ASTN2: variants seen among roughly 807,000 people sequenced by gnomAD.
ASTN2 encodes the protein astrotactin 2, also known as astrotactin-2.
Under a neutral mutation model 139.8 loss-of-function variants are expected in ASTN2, and 54 were observed. That is an observed-to-expected ratio of 0.39 (90% CI 0.31 to 0.48). ASTN2 has a LOEUF of 0.48. Among genes scored for constraint, ASTN2 ranks in the 20% least tolerant of loss-of-function variants. The pLI, the probability that ASTN2 is intolerant of heterozygous loss-of-function variation, is 0.95. For missense variants in ASTN2, 1,565 were observed against 1,725.1 expected (o/e 0.91, Z 1.64); for synonymous variants, 756 against 719.5 (o/e 1.05, Z -0.81).
At chr9:116,747,925 AT>A in intron 13 of ASTN2, among the ~76,000 whole-genome samples, 1 of 152,264 alleles carries the variant, frequency 6.6e-6, no homozygotes, top group African/African-American at 2.4e-5. Context: ...CTAGAGGAAC[AT>A]TATCTTCTCC....
At chr9:117,116,657 C>T (rs969273172) in intron 4 of ASTN2, among the ~76,000 whole-genome samples, 1 of 150,228 alleles carries the variant, frequency 6.7e-6, no homozygotes, top group Admixed American at 6.6e-5. Flanking sequence ...GGAAGCTTTG[C>T]TCCAAAGTCC....
rs751351024 is a variant in ASTN2, at chr9:117,039,837, C to T, written c.1405G>A (p.Glu469Lys). 2 of 1,613,438 alleles carry T rather than the reference C, an allele frequency of 1.2e-6. No individual in the cohort carries two copies. Among genetic ancestry groups the T allele is most frequent in the Non-Finnish European group, 1.7e-6 (2 of 1,179,748 alleles). The change falls in exon 6 of 23, where the codon GAG becomes AAG. Residue 469 changes from glutamate (E) to lysine (K), a missense_variant. Transcript: ENST00000313400. ...LTVKVTLHVP[E>K]HFIADGSSFV... ...CTCTTACCATCTGCTATGAAGTGCT[C>T]GGGCACATGCAGAGTCACCTTCACA...
chr9:117,400,670 C>T (rs1272440927), intron 1 of ASTN2, among the ~76,000 whole-genome samples: 1 of 152,096 alleles, frequency 6.6e-6, no homozygotes, highest in South Asian at 2.1e-4. Context: ...TCTTCAGAGG[C>T]CCCAGAAAGG....
intron 2 of ASTN2, chr9:117,277,093 A>C: frequency 6.6e-6 from 1 of 152,150 alleles, no homozygotes; most frequent in Admixed American, 6.5e-5. Flanking sequence ...TCACTGCTCT[A>C]TGTGTGTCCC....
intron 3 of ASTN2, among the ~76,000 whole-genome samples, chr9:117,151,939 C>A (rs1830334604): frequency 6.6e-6 from 1 of 152,146 alleles, no homozygotes; most frequent in African/African-American, 2.4e-5. Flanking sequence ...ACTGTTATCC[C>A]AGATACCCTG....
chr9:116,597,966 G>A (rs537525633), intron 19 of ASTN2, among the ~76,000 whole-genome samples: 8 of 152,274 alleles, frequency 5.3e-5, no homozygotes, highest in East Asian at 1.9e-4. Context: ...AGATTAAAGG[G>A]CAATTATAAC....
At chr9:116,817,658 T>C (rs746167328) in intron 12 of ASTN2, among the ~76,000 whole-genome samples, 1 of 152,222 alleles carries the variant, frequency 6.6e-6, no homozygotes, top group Non-Finnish European at 1.5e-5. Flanking sequence ...AAACCTACTA[T>C]GTGCCAGTCA....
Position 117,030,814 on chromosome 9 carries a change from G to A in ASTN2, c.1423+9005C>T, listed in dbSNP as rs1012957932. Among the ~76,000 whole-genome samples, 9 of 151,338 alleles carry A rather than the reference G, an allele frequency of 5.9e-5. No homozygotes were observed. The East Asian group carries it at 9.7e-4, about 16-fold the overall frequency. Reference sequence around the variant, plus strand: ...GTATCCACAGCTCCCAGCCATTGCCGAGCAAGTTGGCCATTAAGTACAAGA... The same window carrying A: ...GTATCCACAGCTCCCAGCCATTGCCAAGCAAGTTGGCCATTAAGTACAAGA... On this transcript the variant is annotated intron_variant, in intron 6 of 22. Transcript: ENST00000313400.
intron 3 of ASTN2, among the ~76,000 whole-genome samples, chr9:117,203,643 C>A (rs772412172): frequency 1.3e-5 from 2 of 152,012 alleles, no homozygotes; most frequent in African/African-American, 4.8e-5. Context: ...GCTGGGAGTT[C>A]ACTTCAGGCC....
chr9:116,764,448 C>T (rs1236321432), intron 13 of ASTN2, among the ~76,000 whole-genome samples: 1 of 152,156 alleles, frequency 6.6e-6, no homozygotes, highest in Non-Finnish European at 1.5e-5. Context: ...CCTGGTCCTC[C>T]TTCTGCCCTG....
chr9:117,342,969 G>A (rs903609207), intron 1 of ASTN2, among the ~76,000 whole-genome samples: 3 of 152,140 alleles, frequency 2.0e-5, no homozygotes, highest in Non-Finnish European at 4.4e-5. Context: ...GGAGCTTGGT[G>A]GGTTGGATAG....
At chr9:116,673,108 G>C (rs1050899441) in intron 16 of ASTN2, among the ~76,000 whole-genome samples, 1 of 152,174 alleles carries the variant, frequency 6.6e-6, no homozygotes, top group Admixed American at 6.5e-5. Context: ...CATTTACATA[G>C]AGCATACACC....
In ASTN2 at chr9:116,705,380, C is replaced by T. The variant is rs574573335; in HGVS notation, c.2806+20391G>A. Reference sequence around the variant, plus strand: ...TAAGGGAAAGTCTAACCCCTGCAACCGCAAAGGAAAATTATTTACTAACTC... The same window carrying T: ...TAAGGGAAAGTCTAACCCCTGCAACTGCAAAGGAAAATTATTTACTAACTC... On this transcript the variant is annotated intron_variant, in intron 16 of 22. Coordinates refer to ENST00000313400, the MANE Select transcript of ASTN2 (RefSeq NM_001365068.1). Among the ~76,000 whole-genome samples the T allele has an allele frequency of 4.6e-5, 7 of 152,196 alleles. No homozygotes were observed. In the East Asian group the frequency reaches 9.6e-4, roughly 21 times the overall value.
At chr9:117,000,188 T>C (rs1031867434) in intron 7 of ASTN2, among the ~76,000 whole-genome samples, 2 of 152,220 alleles carry the variant, frequency 1.3e-5, no homozygotes, top group African/African-American at 4.8e-5. Flanking sequence ...TTTCATCTCA[T>C]CCTTATGACA....
At chr9:117,262,015 CTCTT>C (rs1330573427) in intron 2 of ASTN2, among the ~76,000 whole-genome samples, 1 of 152,126 alleles carries the variant, frequency 6.6e-6, no homozygotes, top group Admixed American at 6.6e-5. Context: ...TATTTCAATT[CTCTT>C]TCTTTCTTTT....
intron 1 of ASTN2, among the ~76,000 whole-genome samples, chr9:117,293,265 T>G (rs559220512): frequency 6.6e-6 from 1 of 152,262 alleles, no homozygotes; most frequent in East Asian, 1.9e-4. Flanking sequence ...CTTGCCTGGC[T>G]TACTGCAAGG....
At chr9:116,731,801 G>A (rs959102333) in intron 14 of ASTN2, among the ~76,000 whole-genome samples, 2 of 152,150 alleles carry the variant, frequency 1.3e-5, no homozygotes, top group Non-Finnish European at 2.9e-5. Flanking sequence ...TCAATGACAG[G>A]TTCAGGGGCC....
chr9:117,211,056 A>G (rs1217930718), intron 3 of ASTN2, among the ~76,000 whole-genome samples: 3 of 152,122 alleles, frequency 2.0e-5, no homozygotes, highest in Non-Finnish European at 4.4e-5. Flanking sequence ...TCACAGAAAG[A>G]AAATACCTCA....
chr9:117,175,552 T>C (rs1371084658), intron 3 of ASTN2, among the ~76,000 whole-genome samples: 1 of 152,078 alleles, frequency 6.6e-6, no homozygotes, highest in Non-Finnish European at 1.5e-5. Context: ...AAAACCATAA[T>C]AACTAAAAGT....
Sources: gnomAD v4.1 joint callset for allele counts (sites outside exome capture counted in the v4.1 genomes callset) on GRCh38, gnomAD v4.1.1 for gene constraint, MANE v1.5 for transcripts, NCBI Gene and HGNC (gene_info 2026-07-23, HGNC 2026-07-21) for gene names.